SH3BP5L: variants seen among roughly 807,000 people sequenced by gnomAD.
SH3BP5L encodes SH3 domain-binding protein 5-like.
Under a neutral mutation model 40.9 loss-of-function variants are expected in SH3BP5L, and 16 were observed. The observed-to-expected ratio is 0.39, with a 90% confidence interval of 0.27 to 0.59. SH3BP5L has a LOEUF of 0.59. Among genes scored for constraint, SH3BP5L ranks in the 20% least tolerant of loss-of-function variants. SH3BP5L has a pLI of 0.53. For synonymous variants in SH3BP5L, 229 were observed against 226.7 expected (o/e 1.01, Z -0.09); for missense variants, 471 against 544.6 (o/e 0.86, Z 1.35).
chr1:248,812,002 G>C lies in SH3BP5L; in HGVS notation c.1080C>G (p.His360Gln). The C allele has an allele frequency of 6.2e-7, 1 of 1,609,438 alleles. No individual in the cohort carries two copies. Among genetic ancestry groups the C allele is most frequent in the South Asian group, 1.1e-5 (1 of 90,218 alleles). Residue 360 changes from histidine to glutamine, a missense_variant, in exon 7 of 7, where the codon CAC (histidine) becomes CAG (glutamine). By Grantham distance (24) the His-to-Gln change is conservative. Coordinates refer to ENST00000366472, the MANE Select transcript of SH3BP5L (RefSeq NM_030645.3). The surrounding 1 kb of genome is among the most constrained non-coding windows in gnomAD (Gnocchi z 6.1). ...SVEHLRGLSD[H>Q]VSLDGQELGT... The stretch of plus-strand genomic sequence containing the variant: ...CCAGCTCTTGGCCGTCCAGACTGAC[G>C]TGGTCCGAGAGGCCTCGCAAGTGCT...
intron 2 of SH3BP5L, 166 bp from the exon 3 acceptor site, chr1:248,817,050 G>A (rs750029489): frequency 6.5e-6 from 10 of 1,536,590 alleles, no homozygotes; most frequent in Non-Finnish European, 8.7e-6. Context: ...AAGCTTTCTT[G>A]TCTATCAGGG....
At chr1:248,816,699 G>C (rs1435995153) in intron 3 of SH3BP5L, 37 bp from the exon 4 acceptor site, 1 of 1,613,800 alleles carries the variant, frequency 6.2e-7, no homozygotes, top group Non-Finnish European at 8.5e-7. Flanking sequence ...GCACATGTTT[G>C]GGTCCCAGCC....
chr1:248,817,159 G>A, intron 2 of SH3BP5L: 3 of 882,610 alleles, frequency 3.4e-6, no homozygotes, highest in Non-Finnish European at 5.1e-6. Flanking sequence ...TTTGGAGAAT[G>A]CAACACTAAT....
intron 5 of SH3BP5L, chr1:248,813,571 A>G (rs531964671): frequency 2.3e-4 from 39 of 171,128 alleles, no homozygotes; most frequent in African/African-American, 8.9e-4. Context: ...CATTCTCTTC[A>G]GGGAGCCCTC....
In SH3BP5L at chr1:248,813,955, A is replaced by G. The variant is rs760220209; in HGVS notation, c.537+494T>C. On this transcript the variant is annotated intron_variant, in intron 5 of 6. Coordinates refer to ENST00000366472, the MANE Select transcript of SH3BP5L (RefSeq NM_030645.3). ...ACAAACACCCCCTCGAGTTGCTGACACCTGCCCTGTGCAAGCTGAAGGTGG... is the reference window on the plus strand; with the variant it reads ...ACAAACACCCCCTCGAGTTGCTGACGCCTGCCCTGTGCAAGCTGAAGGTGG... 9.7e-5 allele frequency: 17 copies of G among 176,086 alleles called. No individual in the cohort carries two copies. In the Middle Eastern group the frequency reaches 0.012, roughly 121 times the overall value. 10.9% of individuals were successfully genotyped at this position (176,086 alleles called of 1,614,324 possible).
At chr1:248,814,260 G>A (rs999755262) in intron 5 of SH3BP5L, 189 bp downstream of exon 5, 6 of 648,994 alleles carry the variant, frequency 9.2e-6, no homozygotes, top group African/African-American at 7.3e-5. Flanking sequence ...CTAAGTCAGA[G>A]GGAAATGGAA....
chr1:248,813,202 T>C (rs1664004307), intron 5 of SH3BP5L, 40 bp from the exon 6 acceptor site: 2 of 1,468,614 alleles, frequency 1.4e-6, no homozygotes, highest in Non-Finnish European at 1.8e-6. Flanking sequence ...GACCCATGCT[T>C]CAGTCTCTGG....
chr1:248,819,415 A>G (rs1003761480), intron 2 of SH3BP5L, among the ~76,000 whole-genome samples: 1 of 151,124 alleles, frequency 6.6e-6, no homozygotes, highest in Non-Finnish European at 1.5e-5. Context: ...AAAAAAAAAA[A>G]TCGTGGGCAG....
intron 4 of SH3BP5L, 40 bp from the exon 5 acceptor site, chr1:248,814,650 ACC>A: frequency 6.2e-7 from 1 of 1,604,018 alleles, no homozygotes; most frequent in Non-Finnish European, 8.5e-7. Context: ...ACCCTGAGGG[ACC>A]CCAGCTGCCC....
chr1:248,812,176 C>G lies in SH3BP5L; in HGVS notation c.906G>C (p.Glu302Asp). The change falls in exon 7 of 7, where the codon GAG becomes GAC. Residue 302 changes from glutamate to aspartate, a missense_variant. Physicochemically the swap from Glu to Asp is conservative, Grantham distance 45. Coordinates refer to ENST00000366472, the MANE Select transcript of SH3BP5L (RefSeq NM_030645.3). This position sits in a 1 kb window ranked among gnomAD's most constrained non-coding sequence, Gnocchi z 6.1. ...CCCCCTCAATCCCGCTGTCTCCGTC[C>G]TCCATGTCCTCGGGTCCTGCCTCGG... ...VGAEAGPEDM[E>D]DGDSGIEGAE... 6.3e-7 allele frequency: 1 copy of G among 1,597,688 alleles called. No homozygotes were observed. The highest frequency in any genetic ancestry group is 8.5e-7 in the Non-Finnish European group (1 of 1,172,510).
intron 2 of SH3BP5L, among the ~76,000 whole-genome samples, chr1:248,817,536 G>A (rs995375841): frequency 6.6e-6 from 1 of 152,206 alleles, no homozygotes; most frequent in Non-Finnish European, 1.5e-5. Context: ...CTCAGCAGCT[G>A]GAAGGACTTC....
rs139546428 is a variant in SH3BP5L at position 248,813,436 on chromosome 1, C to T, written c.538-274G>A. 6.8e-3 allele frequency: 2,534 copies of T among 374,756 alleles called. 17 individuals carry two copies. The highest frequency in any genetic ancestry group is 9.1e-3 in the Non-Finnish European group (1,921 of 210,146). The allele number at this position is 374,756 out of a possible 1,614,324, so 23.2% of individuals were successfully genotyped here. ...GAGCCACGTCTTCCCCATGTTCTTG[C>T]CTAGTGTCACCTGCACCACTGGCTA... On this transcript the variant is annotated intron_variant, in intron 5 of 6. Transcript: ENST00000366472.
At chr1:248,824,024 C>T (rs1572187403) in intron 2 of SH3BP5L, among the ~76,000 whole-genome samples, 3 of 152,328 alleles carry the variant, frequency 2.0e-5, no homozygotes, top group South Asian at 2.1e-4. Context: ...ACCCCCAGGT[C>T]TCCTACACAA....
Position 248,821,938 on chromosome 1 carries a change from G to A in SH3BP5L, c.183+2815C>T, listed in dbSNP as rs547398801. On this transcript the variant is annotated intron_variant, in intron 2 of 6. Transcript: ENST00000366472. This position sits in a 1 kb window ranked among gnomAD's most constrained non-coding sequence, Gnocchi z 4.6. ...AGGACAGCCATTTCCGGGAGCCTCA[G>A]AAAATACCGAAACAGGCGCTCTACC... 1.3e-5 allele frequency among the ~76,000 whole-genome samples: 2 copies of A among 152,300 alleles called. No homozygotes were observed. The highest frequency in any genetic ancestry group is 3.9e-4 in the East Asian group (2 of 5,176).
chr1:248,824,618 T>C (rs1664328545), intron 2 of SH3BP5L, 135 bp downstream of exon 2: 3 of 1,113,300 alleles, frequency 2.7e-6, no homozygotes, highest in Non-Finnish European at 3.9e-6. Flanking sequence ...CTGCAATGAT[T>C]TGTTGACAAA....
chr1:248,812,905 G>A lies in SH3BP5L; in HGVS notation c.711+84C>T. On this transcript the variant is annotated intron_variant, in intron 6 of 6. Coordinates refer to ENST00000366472, the MANE Select transcript of SH3BP5L (RefSeq NM_030645.3). The surrounding 1 kb of genome is among the most constrained non-coding windows in gnomAD (Gnocchi z 6.1). ...GGCCTCACCCTGGCCACCTCACCAA[G>A]ATGGCCCAGAGAGGCCGACCAGCAT... The A allele has an allele frequency of 7.5e-7, 1 of 1,330,696 alleles. No individual in the cohort carries two copies. The highest frequency in any genetic ancestry group is 1.4e-5 in the South Asian group (1 of 69,218). 82.4% of individuals were successfully genotyped at this position (1,330,696 alleles called of 1,614,324 possible).
intron 4 of SH3BP5L, 156 bp downstream of exon 4, chr1:248,816,378 C>T: frequency 3.7e-6 from 3 of 812,658 alleles, no homozygotes; most frequent in Non-Finnish European, 5.7e-6. Context: ...GTAAAGGAAC[C>T]TCCTGAGCCC....
rs767262387 is a variant in SH3BP5L at position 248,824,956 on chromosome 1, G to A, written c.-21C>T. On this transcript the variant is annotated 5_prime_UTR_variant, in exon 2 of 7. Transcript: ENST00000366472. ...GCCATGCTGACAGGGGGAGGGCAGA[G>A]CCCTATGCACAAGAGAGGACTGACA... The A allele has an allele frequency of 8.7e-6, 14 of 1,605,592 alleles. No individual in the cohort carries two copies. Among genetic ancestry groups the A allele is most frequent in the African/African-American group, 5.4e-5 (4 of 74,636 alleles).
chr1:248,824,711 G>A (rs1197147687), intron 2 of SH3BP5L, 42 bp downstream of exon 2: 23 of 1,602,412 alleles, frequency 1.4e-5, no homozygotes, highest in Non-Finnish European at 2.0e-5. Flanking sequence ...AGGGAGGCTG[G>A]AATCTGGGCT....
Sources: gnomAD v4.1 joint callset for allele counts (sites outside exome capture counted in the v4.1 genomes callset) on GRCh38, gnomAD v4.1.1 for gene constraint, Gnocchi (gnomAD v3.1) non-coding constraint, MANE v1.5 for transcripts, NCBI Gene and HGNC (gene_info 2026-07-23, HGNC 2026-07-21) for gene names.